The following UGT1A7 variants were observed in gnomAD, a reference collection of about 807,000 sequenced individuals.
The protein encoded by UGT1A7 is UDP-glucuronosyltransferase 1A7.
UGT1A7 carries 33 observed loss-of-function variants against 45.6 expected under a neutral mutation model. The ratio of observed to expected loss-of-function variants is 0.72; its 90% CI spans 0.55 to 0.97. UGT1A7 has a LOEUF of 0.97. Among genes scored for constraint, UGT1A7 ranks in the 50% least tolerant of loss-of-function variants. The pLI, the probability that UGT1A7 is intolerant of heterozygous loss-of-function variation, is 0.00. For missense variants in UGT1A7, 684 were observed against 666.2 expected (o/e 1.03, Z -0.29); for synonymous variants, 274 against 250.6 (o/e 1.09, Z -0.88).
chr2:233,743,525 C>T (rs1559387146), intron 1 of UGT1A7: 1 of 1,367,234 alleles, frequency 7.3e-7, no homozygotes, highest in Non-Finnish European at 9.8e-7. Flanking sequence ...CTTCTGCTTC[C>T]CCAGCAGTTC....
intron 1 of UGT1A7, among the ~76,000 whole-genome samples, chr2:233,765,979 GCTC>G (rs2126021756): frequency 6.6e-6 from 1 of 152,256 alleles, no homozygotes; most frequent in Middle Eastern, 3.4e-3. Flanking sequence ...GATGTTTACA[GCTC>G]CTGAAGCTCC....
intron 1 of UGT1A7, among the ~76,000 whole-genome samples, chr2:233,690,280 A>G (rs1258488355): frequency 6.6e-6 from 1 of 152,156 alleles, no homozygotes; most frequent in African/African-American, 2.4e-5. Context: ...GTCCTTTGAA[A>G]TCTTGCAGGT....
chr2:233,761,977 C>T (rs1011491640), intron 1 of UGT1A7, among the ~76,000 whole-genome samples: 8 of 152,204 alleles, frequency 5.3e-5, no homozygotes, highest in African/African-American at 1.9e-4. Context: ...ATATCACCTT[C>T]GGAGGTGACC....
rs371053346 is a variant in UGT1A7 at position 233,720,746 on chromosome 2, C to T, written c.855+37954C>T. On this transcript the variant is annotated intron_variant, in intron 1 of 4. Coordinates refer to ENST00000373426, the MANE Select transcript of UGT1A7 (RefSeq NM_019077.3). ...CTTGAGACTGAGCCTCGTTCTGTCG[C>T]CCAGGCTGGAGGGCAGTGGCCGGAT... is the stretch of plus-strand genomic sequence containing the variant. Among the ~76,000 whole-genome samples the T allele has an allele frequency of 1.6e-4, 24 of 151,102 alleles. No individual in the cohort carries two copies. The South Asian group carries it at 4.7e-3, about 29-fold the overall frequency.
chr2:233,681,989 C>T lies in UGT1A7; in HGVS notation c.52C>T (p.Leu18=). The change falls in exon 1 of 5, where the codon CTG becomes TTG. Residue 18 remains leucine, a synonymous_variant. Coordinates refer to ENST00000373426, the MANE Select transcript of UGT1A7 (RefSeq NM_019077.3). ...GLLPLYVCLL[L]TCGFAKAGKL... is the part of the protein sequence containing the mutation. ...CCTTCCCCTATATGTGTGTCTACTGCTGACCTGTGGCTTTGCCAAGGCAGG... is the reference window on the plus strand; with the variant it reads ...CCTTCCCCTATATGTGTGTCTACTGTTGACCTGTGGCTTTGCCAAGGCAGG... 1 of 1,614,168 alleles carries T rather than the reference C, an allele frequency of 6.2e-7. No individual in the cohort carries two copies. The highest frequency in any genetic ancestry group is 8.5e-7 in the Non-Finnish European group (1 of 1,180,012).
At chr2:233,734,584 T>C (rs1211494079) in intron 1 of UGT1A7, among the ~76,000 whole-genome samples, 1 of 152,216 alleles carries the variant, frequency 6.6e-6, no homozygotes, top group East Asian at 1.9e-4. Flanking sequence ...CTTGCTTATC[T>C]AGTTCTTTTA....
intron 1 of UGT1A7, chr2:233,747,193 C>T (rs1693585956): frequency 1.9e-6 from 3 of 1,603,982 alleles, no homozygotes; most frequent in Non-Finnish European, 2.6e-6. Flanking sequence ...GGACAGTCAG[C>T]TGTCCGTGTC....
At chr2:233,728,783 A>G (rs1324632843) in intron 1 of UGT1A7, among the ~76,000 whole-genome samples, 1 of 152,246 alleles carries the variant, frequency 6.6e-6, no homozygotes, top group East Asian at 1.9e-4. Flanking sequence ...CCTGATAAAC[A>G]TGGTTAACAG....
At chr2:233,690,645 A>T in intron 1 of UGT1A7, 1 of 1,286,952 alleles carries the variant, frequency 7.8e-7, no homozygotes, top group East Asian at 5.6e-5. Flanking sequence ...GGACACCTTG[A>T]CTCCTACAGC....
chr2:233,693,047 G>T (rs2075129391), intron 1 of UGT1A7: 2 of 1,614,146 alleles, frequency 1.2e-6, no homozygotes, highest in Non-Finnish European at 1.7e-6. Flanking sequence ...TTCTGCAGGG[G>T]TTTTCTTCTT....
chr2:233,739,889 C>G (rs1358734897), intron 1 of UGT1A7, among the ~76,000 whole-genome samples: 1 of 151,866 alleles, frequency 6.6e-6, no homozygotes, highest in African/African-American at 2.4e-5. Context: ...GTGTTTCCAC[C>G]CAAATCTCAT....
intron 1 of UGT1A7, among the ~76,000 whole-genome samples, chr2:233,702,784 C>T (rs1036142501): frequency 6.6e-6 from 1 of 152,164 alleles, no homozygotes; most frequent in Admixed American, 6.5e-5. Flanking sequence ...CAGGTGTAAA[C>T]GAACCTTGTA....
chr2:233,723,417 T>A (rs2077082381), intron 1 of UGT1A7, among the ~76,000 whole-genome samples: 1 of 134,694 alleles, frequency 7.4e-6, no homozygotes, highest in Non-Finnish European at 1.6e-5. Context: ...ACCATACTGG[T>A]CAGGCTGGTC....
At position 233,713,774 on chromosome 2, in the gene UGT1A7, T is replaced by C. The variant is rs17862869; in HGVS notation, c.855+30982T>C. 0.09 allele frequency: 142,447 copies of C among 1,583,730 alleles called. 8,619 individuals carry two copies. The highest frequency in any genetic ancestry group is 0.18 in the South Asian group (15,805 of 87,196). Reference sequence around the variant, plus strand: ...CTGTGTGGCTGTTCCGAGGGGACTTTGTGATGGATTACCCCAGGCCGATCA... The same window carrying C: ...CTGTGTGGCTGTTCCGAGGGGACTTCGTGATGGATTACCCCAGGCCGATCA... On this transcript the variant is annotated intron_variant, in intron 1 of 4. Coordinates refer to ENST00000373426, the MANE Select transcript of UGT1A7 (RefSeq NM_019077.3).
chr2:233,751,234 G>T (rs1326079601), intron 1 of UGT1A7, among the ~76,000 whole-genome samples: 1 of 151,962 alleles, frequency 6.6e-6, no homozygotes, highest in East Asian at 1.9e-4. Flanking sequence ...GCCCTGCCTG[G>T]TTTTGGACTT....
chr2:233,717,337 A>G (rs11676072), intron 1 of UGT1A7, among the ~76,000 whole-genome samples: 4,456 of 152,324 alleles, frequency 0.029, 61 homozygotes, highest in African/African-American at 0.039. Flanking sequence ...ACAAATCCCC[A>G]GAAATCGTCC....
In UGT1A7 at chr2:233,712,082, T is replaced by C. The variant is rs1559358101; in HGVS notation, c.855+29290T>C. Among the ~76,000 whole-genome samples the C allele has an allele frequency of 2.0e-5, 3 of 152,248 alleles. No homozygotes were observed. In the South Asian group the frequency reaches 6.2e-4, roughly 32 times the overall value. Reference sequence around the variant, plus strand: ...TAATCTTCAGGATGAAATAAAGGCCTGGATGAATGGACACTTCAGTCTCTA... The same window carrying C: ...TAATCTTCAGGATGAAATAAAGGCCCGGATGAATGGACACTTCAGTCTCTA... On this transcript the variant is annotated intron_variant, in intron 1 of 4. Coordinates refer to ENST00000373426, the MANE Select transcript of UGT1A7 (RefSeq NM_019077.3).
chr2:233,760,210 T>A, intron 1 of UGT1A7: 1 of 1,591,180 alleles, frequency 6.3e-7, no homozygotes, highest in African/African-American at 1.4e-5. Flanking sequence ...AAACATTAAC[T>A]TGGTGTATCG....
intron 1 of UGT1A7, chr2:233,747,461 A>G (rs1413279224): frequency 3.7e-5 from 60 of 1,608,752 alleles, no homozygotes; most frequent in Admixed American, 5.0e-5. Flanking sequence ...ATGCCATTTC[A>G]TGGACCCAGG....
Sources: allele counts gnomAD v4.1 joint callset (sites outside exome capture counted in the v4.1 genomes callset), GRCh38; gene constraint gnomAD v4.1.1; transcripts MANE v1.5; gene names NCBI Gene and HGNC (gene_info 2026-07-23, HGNC 2026-07-21).